FILIP1: variants seen among roughly 807,000 people sequenced by gnomAD.
The protein encoded by FILIP1 is filamin A interacting protein 1, also known as filamin-A-interacting protein 1.
Under a neutral mutation model 102.1 loss-of-function variants are expected in FILIP1, and 61 were observed. The observed-to-expected ratio is 0.60, with a 90% CI of 0.49 to 0.74. FILIP1 has a LOEUF of 0.74. Among genes scored for constraint, FILIP1 ranks in the 30% least tolerant of loss-of-function variants. The probability of loss-of-function intolerance (pLI) is 0.00; values close to 1 mark genes in which losing one functional copy is unlikely to be tolerated. For synonymous variants in FILIP1, 491 were observed against 526.9 expected (o/e 0.93, Z 0.93); for missense variants, 1,314 against 1,441.2 (o/e 0.91, Z 1.43).
intron 2 of FILIP1, among the ~76,000 whole-genome samples, chr6:75,382,830 A>C (rs1257591293): frequency 6.6e-6 from 1 of 152,232 alleles, no homozygotes; most frequent in Admixed American, 6.5e-5. Flanking sequence ...ATCTGCAGGC[A>C]GAAAAATGAG....
chr6:75,391,995 C>G (rs1420798178), intron 2 of FILIP1, among the ~76,000 whole-genome samples: 2 of 152,132 alleles, frequency 1.3e-5, no homozygotes, highest in Non-Finnish European at 2.9e-5. Context: ...GGTCAACTCT[C>G]ACTCCTCATT....
chr6:75,449,241 C>T (rs1778541210), intron 1 of FILIP1, among the ~76,000 whole-genome samples: 1 of 152,064 alleles, frequency 6.6e-6, no homozygotes, highest in East Asian at 1.9e-4. Flanking sequence ...GAAAACCAAA[C>T]ATCGTATGTT....
chr6:75,378,357 A>G (rs1308443423), intron 2 of FILIP1, among the ~76,000 whole-genome samples: 1 of 152,206 alleles, frequency 6.6e-6, no homozygotes, highest in Non-Finnish European at 1.5e-5. Context: ...ATAGATAGCA[A>G]AAAAGATACT....
intron 1 of FILIP1, among the ~76,000 whole-genome samples, chr6:75,481,853 C>G (rs943925026): frequency 1.3e-5 from 2 of 152,144 alleles, no homozygotes; most frequent in Admixed American, 6.5e-5. Flanking sequence ...ATAGTGAGAG[C>G]TCTGTTGAAA....
At chr6:75,365,431 C>T (rs1562505866) in intron 2 of FILIP1, among the ~76,000 whole-genome samples, 2 of 152,068 alleles carry the variant, frequency 1.3e-5, no homozygotes, top group African/African-American at 2.4e-5. Flanking sequence ...AGTGCAGTGC[C>T]GTGATCTTGG....
chr6:75,372,728 G>GGA (rs1775601373), intron 2 of FILIP1, among the ~76,000 whole-genome samples: 13 of 61,420 alleles, frequency 2.1e-4, no homozygotes, highest in African/African-American at 1.1e-3. Flanking sequence ...GAAAGAGAAA[G>GGA]AGAAAGAAAG....
intron 2 of FILIP1, among the ~76,000 whole-genome samples, chr6:75,387,368 T>C (rs1776135806): frequency 1.3e-5 from 2 of 152,186 alleles, no homozygotes; most frequent in South Asian, 4.1e-4. Flanking sequence ...CATATGTCTT[T>C]ATAGTAGAAT....
chr6:75,484,803 G>A (rs1485577573), intron 1 of FILIP1, among the ~76,000 whole-genome samples: 1 of 152,194 alleles, frequency 6.6e-6, no homozygotes, highest in East Asian at 1.9e-4. Context: ...TCAAGGCCCT[G>A]TGCCTGCTCA....
chr6:75,315,267 T>A, intron 4 of FILIP1, 65 bp from the exon 5 acceptor site: 2 of 1,122,816 alleles, frequency 1.8e-6, no homozygotes, highest in Non-Finnish European at 2.4e-6. Context: ...GCATTGATAT[T>A]AAATAAAAAA....
At chr6:75,359,414 A>ATTC (rs1188837034) in intron 3 of FILIP1, among the ~76,000 whole-genome samples, 2 of 152,200 alleles carry the variant, frequency 1.3e-5, no homozygotes, top group African/African-American at 4.8e-5. Context: ...ACAGCGTCAG[A>ATTC]TAAGTCCAAA....
intron 1 of FILIP1, among the ~76,000 whole-genome samples, chr6:75,461,064 A>T (rs1779008496): frequency 6.6e-6 from 1 of 152,140 alleles, no homozygotes; most frequent in Non-Finnish European, 1.5e-5. Flanking sequence ...TTTTGTACTT[A>T]TCAAATCTGA....
chr6:75,351,626 T>C (rs1774810814), intron 4 of FILIP1, among the ~76,000 whole-genome samples: 1 of 152,180 alleles, frequency 6.6e-6, no homozygotes, highest in Admixed American at 6.5e-5. Context: ...TTCAGTAGAG[T>C]AACATGCTGT....
chr6:75,353,478 C>G, intron 4 of FILIP1, 61 bp downstream of exon 4: 1 of 1,571,510 alleles, frequency 6.4e-7, no homozygotes, highest in South Asian at 1.2e-5. Context: ...CCTGAAGGGA[C>G]GGGCAGACAT....
chr6:75,354,502 C>T (rs1774920594), intron 3 of FILIP1, among the ~76,000 whole-genome samples: 2 of 143,818 alleles, frequency 1.4e-5, no homozygotes, highest in South Asian at 4.3e-4. Flanking sequence ...TCCCTAGAGG[C>T]AGAAGTTGCA....
intron 6 of FILIP1, among the ~76,000 whole-genome samples, chr6:75,298,239 A>G (rs943252971): frequency 2.6e-5 from 4 of 152,352 alleles, no homozygotes; most frequent in South Asian, 4.1e-4. Context: ...CTCATAATCC[A>G]TGCATCCTAT....
At chr6:75,466,970 CTTTG>C (rs1779188273) in intron 1 of FILIP1, among the ~76,000 whole-genome samples, 2 of 152,202 alleles carry the variant, frequency 1.3e-5, no homozygotes, top group African/African-American at 4.8e-5. Context: ...AACTATACCA[CTTTG>C]TTTATCAGAA....
intron 1 of FILIP1, among the ~76,000 whole-genome samples, chr6:75,487,977 A>G (rs1779841341): frequency 1.3e-5 from 2 of 151,834 alleles, no homozygotes; most frequent in South Asian, 4.2e-4. Context: ...AAAACCTTAA[A>G]CCTTAAGGGC....
chr6:75,420,877 T>C lies in FILIP1; in HGVS notation c.-6-5899A>G, dbSNP rs536353667. Among the ~76,000 whole-genome samples, 11 of 152,296 alleles carry C rather than the reference T, an allele frequency of 7.2e-5. No individual in the cohort carries two copies. In the South Asian group the frequency reaches 2.1e-3, roughly 29 times the overall value. On this transcript the variant is annotated intron_variant, in intron 1 of 5. Coordinates refer to ENST00000237172, the MANE Select transcript of FILIP1 (RefSeq NM_015687.5). Reference sequence around the variant, plus strand: ...CATTTAATAAGACTTCTTCAAATCATTGAAATACCAATTGATAGACACCAT... The same window carrying C: ...CATTTAATAAGACTTCTTCAAATCACTGAAATACCAATTGATAGACACCAT...
At chr6:75,375,114 CAG>C (rs201609217) in intron 2 of FILIP1, among the ~76,000 whole-genome samples, 1,697 of 152,308 alleles carry the variant, frequency 0.011, 37 homozygotes, top group African/African-American at 0.039. Flanking sequence ...GAGTGCAGCA[CAG>C]TGTCTGTCAC....
Sources: gnomAD v4.1 joint callset for allele counts (sites outside exome capture counted in the v4.1 genomes callset) on GRCh38, gnomAD v4.1.1 for gene constraint, MANE v1.5 for transcripts, NCBI Gene and HGNC (gene_info 2026-07-23, HGNC 2026-07-21) for gene names.